The following SH3GL3 variants were observed in gnomAD, a reference collection of about 807,000 sequenced individuals.
SH3GL3 encodes the protein endophilin-A3.
SH3GL3 carries 33 observed loss-of-function variants against 47.7 expected under a neutral mutation model. The observed-to-expected ratio is 0.69, with a 90% CI of 0.52 to 0.92. SH3GL3 has a LOEUF of 0.92. Among genes scored for constraint, SH3GL3 ranks in the 40% least tolerant of loss-of-function variants. The pLI is 0.00. For synonymous variants in SH3GL3, 155 were observed against 148.8 expected, an observed-to-expected ratio of 1.04 and a Z score of -0.30; for missense variants, 363 against 417.8, an observed-to-expected ratio of 0.87 and a Z score of 1.14.
At chr15:83,572,742 GA>G in intron 5 of SH3GL3, 44 bp downstream of exon 5, 1 of 1,417,178 alleles carries the variant, frequency 7.1e-7, no homozygotes, top group Non-Finnish European at 9.8e-7. Context: ...TACATAAGAT[GA>G]TGTTTATATT....
chr15:83,474,893 A>G (rs2041024027), intron 1 of SH3GL3, among the ~76,000 whole-genome samples: 1 of 152,116 alleles, frequency 6.6e-6, no homozygotes. Flanking sequence ...AGCAGAAGGC[A>G]GGCTTTGAAA....
the SH3GL3 span, among the ~76,000 whole-genome samples, chr15:83,632,987 A>G: frequency 6.6e-6 from 1 of 152,210 alleles, no homozygotes; most frequent in African/African-American, 2.4e-5. Flanking sequence ...ATGCAAATTA[A>G]AATCATAAGT....
At chr15:83,607,771 C>T (rs1341911862) in intron 8 of SH3GL3, among the ~76,000 whole-genome samples, 1 of 151,662 alleles carries the variant, frequency 6.6e-6, no homozygotes, top group Non-Finnish European at 1.5e-5. Context: ...ATCACTATGC[C>T]AATGGCCAGA....
the SH3GL3 span, among the ~76,000 whole-genome samples, chr15:83,630,001 C>T: frequency 4.6e-5 from 7 of 152,100 alleles, no homozygotes; most frequent in African/African-American, 1.7e-4. Context: ...GTAATTGAAT[C>T]GTAGGGGTGG....
downstream of SH3GL3, chr15:83,618,844 CT>C (rs2060893838): frequency 6.4e-6 from 1 of 156,564 alleles, no homozygotes; most frequent in African/African-American, 2.4e-5. Flanking sequence ...AGCGCAGATG[CT>C]TAGATGATGC....
At chr15:83,468,659 T>C (rs922201312) in intron 1 of SH3GL3, among the ~76,000 whole-genome samples, 7 of 152,200 alleles carry the variant, frequency 4.6e-5, no homozygotes, top group African/African-American at 1.4e-4. Context: ...ATTGCATTAA[T>C]TGATTTTCAA....
Position 83,466,420 on chromosome 15 carries a change from A to G in SH3GL3, c.45+18842A>G, listed in dbSNP as rs577443072. On this transcript the variant is annotated intron_variant, in intron 1 of 8. Coordinates refer to ENST00000427482, the MANE Select transcript of SH3GL3 (RefSeq NM_003027.5). Reference sequence around the variant, plus strand: ...CAGGAGTGCAATTGTTAGAATATATATATATATATGGGGAAAGGCATGCTA... The same window carrying G: ...CAGGAGTGCAATTGTTAGAATATATGTATATATATGGGGAAAGGCATGCTA... 1.6e-4 allele frequency among the ~76,000 whole-genome samples: 25 copies of G among 151,992 alleles called. 1 individual carries two copies. Among genetic ancestry groups the G allele is most frequent in the Admixed American group, 1.6e-3 (25 of 15,270 alleles).
chr15:83,569,930 GAAGCTTTGTCCCAGGT>G (rs1215215429), intron 4 of SH3GL3, among the ~76,000 whole-genome samples: 1 of 152,124 alleles, frequency 6.6e-6, no homozygotes, highest in Non-Finnish European at 1.5e-5. Flanking sequence ...GTATGTTGAT[GAAGCTTTGTCCCAGGT>G]AAGCATTTGC....
At chr15:83,449,637 G>C (rs1251744131) in intron 1 of SH3GL3, among the ~76,000 whole-genome samples, 2 of 151,836 alleles carry the variant, frequency 1.3e-5, no homozygotes, top group African/African-American at 2.4e-5. Flanking sequence ...GAAATATTTT[G>C]CTAGTCATGG....
At position 83,500,019 on chromosome 15, in the gene SH3GL3, G is replaced by A. The variant is rs75202320; in HGVS notation, c.45+52441G>A. Among the ~76,000 whole-genome samples the A allele has an allele frequency of 5.2e-3, 792 of 152,294 alleles. 4 individuals are homozygous for A. The highest frequency in any genetic ancestry group is 0.017 in the Middle Eastern group (5 of 294). On this transcript the variant is annotated intron_variant, in intron 1 of 8. Coordinates refer to ENST00000427482, the MANE Select transcript of SH3GL3 (RefSeq NM_003027.5). ...AAGATCATCTGAAAGGGAGAGGGTC[G>A]GGAAGTCCTGTTGACTGCTGATGTG...
At chr15:83,580,715 T>C (rs1474989811) in intron 6 of SH3GL3, among the ~76,000 whole-genome samples, 2 of 152,210 alleles carry the variant, frequency 1.3e-5, no homozygotes, top group African/African-American at 2.4e-5. Flanking sequence ...CTTCGGTGGA[T>C]GACAGCCAGC....
intron 1 of SH3GL3, among the ~76,000 whole-genome samples, chr15:83,511,455 G>A (rs10520580): frequency 0.11 from 17,407 of 152,138 alleles, 1,171 homozygotes; most frequent in East Asian, 0.26. Flanking sequence ...TTTACGTGAC[G>A]TCAGATATTA....
At chr15:83,514,140 T>C (rs776007723) in intron 1 of SH3GL3, among the ~76,000 whole-genome samples, 21 of 152,328 alleles carry the variant, frequency 1.4e-4, no homozygotes, top group Non-Finnish European at 2.4e-4. Context: ...TTTGGCATAA[T>C]ATTATGTGAA....
intron 6 of SH3GL3, among the ~76,000 whole-genome samples, chr15:83,581,071 G>T (rs1408488756): frequency 6.6e-6 from 1 of 152,158 alleles, no homozygotes; most frequent in Non-Finnish European, 1.5e-5. Context: ...GGAAGAGCTG[G>T]TGCCTTCTCC....
intron 8 of SH3GL3, among the ~76,000 whole-genome samples, chr15:83,616,337 C>T (rs987856240): frequency 6.7e-6 from 1 of 149,668 alleles, no homozygotes; most frequent in African/African-American, 2.5e-5. Context: ...ACTGCAACCT[C>T]CGCCTTCCGG....
At chr15:83,619,799 TTAAAA>T (rs566023549), downstream of SH3GL3, among the ~76,000 whole-genome samples, 22 of 152,338 alleles carry the variant, frequency 1.4e-4, no homozygotes, top group South Asian at 8.3e-4. Context: ...TGGCAATTTC[TTAAAA>T]TAAGACAACA....
intron 1 of SH3GL3, among the ~76,000 whole-genome samples, chr15:83,486,892 A>G (rs976072968): frequency 1.3e-5 from 2 of 148,628 alleles, no homozygotes; most frequent in Non-Finnish European, 3.0e-5. Flanking sequence ...CACATGGCAG[A>G]GAGAGAGAGA....
At chr15:83,492,943 C>A (rs1258659662) in intron 1 of SH3GL3, among the ~76,000 whole-genome samples, 1 of 152,168 alleles carries the variant, frequency 6.6e-6, no homozygotes, top group Non-Finnish European at 1.5e-5. Context: ...CTGGGGGAAA[C>A]CAAAGTAGGA....
intron 1 of SH3GL3, among the ~76,000 whole-genome samples, chr15:83,532,425 T>G (rs1476934369): frequency 6.6e-6 from 1 of 152,054 alleles, no homozygotes; most frequent in African/African-American, 2.4e-5. Context: ...AATTGAGAAG[T>G]GTCTAAGGAG....
Sources: allele counts gnomAD v4.1 joint callset (sites outside exome capture counted in the v4.1 genomes callset), GRCh38; gene constraint gnomAD v4.1.1; transcripts MANE v1.5; gene names NCBI Gene and HGNC (gene_info 2026-07-23, HGNC 2026-07-21).